Variants in ASIC2 observed in about 807,000 individuals in gnomAD.
ASIC2 encodes acid-sensing ion channel 2.
ASIC2 carries 25 observed loss-of-function variants against 57.3 expected under a neutral mutation model. The observed-to-expected ratio is 0.44, with a 90% CI of 0.32 to 0.61. ASIC2 has a LOEUF of 0.61. Among genes scored for constraint, ASIC2 ranks in the 20% least tolerant of loss-of-function variants. ASIC2 has a pLI of 0.06. For missense variants in ASIC2, 641 were observed against 738.1 expected, an observed-to-expected ratio of 0.87 and a Z score of 1.52; for synonymous variants, 319 against 307.5, an observed-to-expected ratio of 1.04 and a Z score of -0.39.
intron 1 of ASIC2, among the ~76,000 whole-genome samples, chr17:33,198,113 G>T (rs141377510): frequency 1.1e-4 from 16 of 152,296 alleles, no homozygotes; most frequent in African/African-American, 3.8e-4. Context: ...ACTTTGGGAG[G>T]CCAAGGCAGG....
At chr17:33,370,071 A>C (rs1344809930) in intron 1 of ASIC2, among the ~76,000 whole-genome samples, 1 of 152,130 alleles carries the variant, frequency 6.6e-6, no homozygotes, top group Non-Finnish European at 1.5e-5. Flanking sequence ...GAAGATGACT[A>C]TTTCCAGTGC....
At position 33,926,071 on chromosome 17, in the gene ASIC2, A is replaced by G. The variant is rs141225862; in HGVS notation, c.555+229907T>C. Among the ~76,000 whole-genome samples, 386 of 152,370 alleles carry G rather than the reference A, an allele frequency of 2.5e-3. 2 individuals are homozygous for G. Among genetic ancestry groups the G allele is most frequent in the African/African-American group, 8.6e-3 (356 of 41,588 alleles). On this transcript the variant is annotated intron_variant, in intron 1 of 9. Coordinates refer to the ASIC2 transcript ENST00000359872. The stretch of plus-strand genomic sequence containing the variant: ...TGCAGTGATGTTTTGGGAGCCCCAT[A>G]GACTATCATCGAAGTCAGGGGGTTC...
At chr17:33,514,872 G>A (rs1000582623) in intron 1 of ASIC2, among the ~76,000 whole-genome samples, 1 of 152,192 alleles carries the variant, frequency 6.6e-6, no homozygotes, top group African/African-American at 2.4e-5. Flanking sequence ...CCATAGAGAA[G>A]CTGCTGGGCC....
At chr17:34,141,238 T>C (rs1912264900) in intron 1 of ASIC2, among the ~76,000 whole-genome samples, 1 of 152,072 alleles carries the variant, frequency 6.6e-6, no homozygotes, top group Non-Finnish European at 1.5e-5. Flanking sequence ...AAGGGGAACC[T>C]TGACAACTGG....
At chr17:33,232,446 A>ATGGTATGGAATGGTATGGT (rs1567792727) in intron 1 of ASIC2, among the ~76,000 whole-genome samples, 9 of 127,948 alleles carry the variant, frequency 7.0e-5, no homozygotes, top group African/African-American at 2.9e-4. Context: ...TATGGTATGG[A>ATGGTATGGAATGGTATGGT]ATGGTATGGT....
chr17:33,856,149 T>A (rs1176960298), intron 1 of ASIC2, among the ~76,000 whole-genome samples: 2 of 152,174 alleles, frequency 1.3e-5, no homozygotes, highest in African/African-American at 4.8e-5. Context: ...GAACAGGGAC[T>A]CTGACATCTG....
intron 1 of ASIC2, among the ~76,000 whole-genome samples, chr17:33,378,724 T>C (rs1307060734): frequency 6.6e-6 from 1 of 152,152 alleles, no homozygotes; most frequent in Non-Finnish European, 1.5e-5. Context: ...TGTTAGATGG[T>C]GGGGATTCTT....
intron 1 of ASIC2, among the ~76,000 whole-genome samples, chr17:33,941,290 G>A (rs1916187467): frequency 6.6e-6 from 1 of 152,186 alleles, no homozygotes; most frequent in South Asian, 2.1e-4. Flanking sequence ...CCCTCTCCCA[G>A]ACGCCCTCAG....
In ASIC2 at chr17:34,035,483, A is replaced by G. The variant is rs1180693881; in HGVS notation, c.555+120495T>C. Among the ~76,000 whole-genome samples the G allele has an allele frequency of 2.0e-5, 3 of 150,432 alleles. No individual in the cohort carries two copies. In the East Asian group the frequency reaches 5.8e-4, roughly 29 times the overall value. ...GGACATAGGCATGGGCAAGGACTTC[A>G]TGTCTAAAACACCAAAAGCAATGGC... is the stretch of plus-strand genomic sequence containing the variant. On this transcript the variant is annotated intron_variant, in intron 1 of 9. Coordinates refer to the ASIC2 transcript ENST00000359872.
intron 1 of ASIC2, among the ~76,000 whole-genome samples, chr17:34,074,518 T>G (rs1194159920): frequency 6.6e-6 from 1 of 152,142 alleles, no homozygotes; most frequent in African/African-American, 2.4e-5. Context: ...AAGACTGTCA[T>G]GATTTATTTT....
At chr17:33,328,848 A>G (rs757416862) in intron 1 of ASIC2, among the ~76,000 whole-genome samples, 4 of 152,242 alleles carry the variant, frequency 2.6e-5, no homozygotes, top group Non-Finnish European at 5.9e-5. Flanking sequence ...CTATATATAC[A>G]TACATGTATA....
chr17:33,405,546 C>G (rs377667092), intron 1 of ASIC2, among the ~76,000 whole-genome samples: 3 of 149,152 alleles, frequency 2.0e-5, no homozygotes, highest in African/African-American at 7.4e-5. Flanking sequence ...AGCAGTGGCG[C>G]GATCTTGGCT....
chr17:33,173,602 G>T (rs1485814534), intron 1 of ASIC2, among the ~76,000 whole-genome samples: 1 of 152,200 alleles, frequency 6.6e-6, no homozygotes, highest in Non-Finnish European at 1.5e-5. Flanking sequence ...GAAGCAGTGA[G>T]TGTGACTTGT....
At position 33,292,522 on chromosome 17, in the gene ASIC2, C is replaced by T. The variant is rs1905535627; in HGVS notation, c.-407G>A. On this transcript the variant is annotated 5_prime_UTR_variant, in exon 1 of 10. Coordinates refer to ENST00000225823, the MANE Select transcript of ASIC2 (RefSeq NM_183377.2). ...CTCGGGGGACCCTGAGCCGAGTCCC[C>T]CCTGCCCCGCCTAACCCCAGCTTTT... 1.0e-6 allele frequency: 1 copy of T among 985,898 alleles called. No homozygotes were observed. The highest frequency in any genetic ancestry group is 4.7e-5 in the South Asian group (1 of 21,294). The allele number at this position is 985,898 out of a possible 1,614,324, so 61.1% of individuals were successfully genotyped here.
At chr17:33,869,565 A>C (rs985350550) in intron 1 of ASIC2, among the ~76,000 whole-genome samples, 1 of 152,242 alleles carries the variant, frequency 6.6e-6, no homozygotes, top group Non-Finnish European at 1.5e-5. Flanking sequence ...TTCATAAAAA[A>C]GAATGAAGTA....
chr17:33,463,656 C>A (rs41430944), intron 1 of ASIC2, among the ~76,000 whole-genome samples: 2,582 of 150,094 alleles, frequency 0.017, 46 homozygotes, highest in Non-Finnish European at 0.026. Flanking sequence ...CTGCGGGAGT[C>A]ATGGGAAATC....
At chr17:33,603,050 CT>C (rs901626711) in intron 1 of ASIC2, among the ~76,000 whole-genome samples, 2 of 152,224 alleles carry the variant, frequency 1.3e-5, no homozygotes, top group African/African-American at 4.8e-5. Flanking sequence ...CTTCCTAGCT[CT>C]GCATTTCCCC....
chr17:33,924,591 T>C (rs1185495685), intron 1 of ASIC2, among the ~76,000 whole-genome samples: 1 of 152,228 alleles, frequency 6.6e-6, no homozygotes, highest in East Asian at 1.9e-4. Context: ...ATCTAGGAAC[T>C]TGCCTAGTGT....
chr17:33,323,501 T>A (rs557926267), intron 1 of ASIC2, among the ~76,000 whole-genome samples: 91 of 152,218 alleles, frequency 6.0e-4, no homozygotes, highest in African/African-American at 2.1e-3. Context: ...TCACTTGAGG[T>A]CAGGAGTTCA....
Sources: gnomAD v4.1 joint callset for allele counts (sites outside exome capture counted in the v4.1 genomes callset) on GRCh38, gnomAD v4.1.1 for gene constraint, MANE v1.5 for transcripts, NCBI Gene and HGNC (gene_info 2026-07-23, HGNC 2026-07-21) for gene names.